The following TNFSF4 variants were observed in gnomAD, a reference collection of about 807,000 sequenced individuals.
The protein encoded by TNFSF4 is tumor necrosis factor ligand superfamily member 4.
In TNFSF4, 4 loss-of-function variants were observed where a neutral mutation model predicts 7.3. The ratio of observed to expected loss-of-function variants is 0.55; its 90% CI spans 0.27 to 1.25. The LOEUF is 1.25. Ranked by LOEUF, TNFSF4 falls within the 50% of genes most tolerant of loss-of-function variation. The probability of loss-of-function intolerance (pLI) is 0.12; values close to 1 mark genes in which losing one functional copy is unlikely to be tolerated. For missense variants in TNFSF4, 181 were observed against 208.8 expected (o/e 0.87, Z 0.82); for synonymous variants, 76 against 83.7 (o/e 0.91, Z 0.50).
chr1:173,432,479 C>T, the TNFSF4 span, among the ~76,000 whole-genome samples: 2 of 152,182 alleles, frequency 1.3e-5, no homozygotes, highest in African/African-American at 2.4e-5. Context: ...TCTCCACAAA[C>T]GCACACAGAT....
the TNFSF4 span, among the ~76,000 whole-genome samples, chr1:173,268,692 G>A: frequency 6.6e-6 from 1 of 151,918 alleles, no homozygotes; most frequent in Admixed American, 6.6e-5. Flanking sequence ...AAAGAGATTG[G>A]CAAAGTAGAT....
At chr1:173,289,563 G>A in the TNFSF4 span, among the ~76,000 whole-genome samples, 1 of 151,990 alleles carries the variant, frequency 6.6e-6, no homozygotes, top group African/African-American at 2.4e-5. Flanking sequence ...TGAGAGAAAT[G>A]TGACCCATAG....
chr1:173,278,280 T>C, the TNFSF4 span, among the ~76,000 whole-genome samples: 2 of 152,076 alleles, frequency 1.3e-5, no homozygotes, highest in Non-Finnish European at 2.9e-5. Context: ...AGAGTAGGTG[T>C]TCAATTATTT....
chr1:173,318,484 A>C, the TNFSF4 span, among the ~76,000 whole-genome samples: 2 of 152,186 alleles, frequency 1.3e-5, no homozygotes, highest in East Asian at 3.8e-4. Flanking sequence ...AGGCATTCTT[A>C]AGGTCAAGGG....
the TNFSF4 span, among the ~76,000 whole-genome samples, chr1:173,224,588 G>C: frequency 6.6e-6 from 1 of 152,156 alleles, no homozygotes; most frequent in Non-Finnish European, 1.5e-5. Flanking sequence ...TAAACTGTCA[G>C]AAACATGCAA....
At chr1:173,399,954 G>A in the TNFSF4 span, among the ~76,000 whole-genome samples, 1 of 152,240 alleles carries the variant, frequency 6.6e-6, no homozygotes, top group Non-Finnish European at 1.5e-5. Flanking sequence ...CCTGGTAGCA[G>A]ACTGATTACA....
the TNFSF4 span, among the ~76,000 whole-genome samples, chr1:173,412,117 G>GA: frequency 0.65 from 78,333 of 120,352 alleles, 25,183 homozygotes; most frequent in Middle Eastern, 0.79. Context: ...TCCATCTCAA[G>GA]AAAAAAAAAA....
At chr1:173,251,593 T>A in the TNFSF4 span, among the ~76,000 whole-genome samples, 1 of 152,344 alleles carries the variant, frequency 6.6e-6, no homozygotes, top group East Asian at 1.9e-4. Flanking sequence ...CAGTCCCAGT[T>A]CTAGCCCTTG....
At chr1:173,230,991 T>C in the TNFSF4 span, among the ~76,000 whole-genome samples, 24 of 152,236 alleles carry the variant, frequency 1.6e-4, no homozygotes, top group African/African-American at 5.8e-4. Flanking sequence ...ACCAGATGGA[T>C]TCACAGCTGA....
chr1:173,439,008 C>T, the TNFSF4 span, among the ~76,000 whole-genome samples: 2 of 152,180 alleles, frequency 1.3e-5, no homozygotes. Flanking sequence ...TGCCCCACCC[C>T]ATCAATACAA....
At chr1:173,200,534 C>T (rs1220253255) in intron 1 of TNFSF4, among the ~76,000 whole-genome samples, 2 of 152,178 alleles carry the variant, frequency 1.3e-5, no homozygotes, top group Non-Finnish European at 2.9e-5. Context: ...ATTGTCATCA[C>T]CCAACACACA....
chr1:173,400,523 G>A, the TNFSF4 span, among the ~76,000 whole-genome samples: 2 of 152,152 alleles, frequency 1.3e-5, no homozygotes, highest in Non-Finnish European at 2.9e-5. Flanking sequence ...TCAACCAGGA[G>A]ACAATGAACA....
upstream of TNFSF4, among the ~76,000 whole-genome samples, chr1:173,212,111 C>T (rs925919128): frequency 6.6e-6 from 1 of 152,064 alleles, no homozygotes; most frequent in African/African-American, 2.4e-5. Context: ...AAGCAAGATA[C>T]AAGAGAGAGG....
the TNFSF4 span, among the ~76,000 whole-genome samples, chr1:173,376,473 G>A: frequency 6.6e-6 from 1 of 152,218 alleles, no homozygotes; most frequent in Non-Finnish European, 1.5e-5. Context: ...TACCATTAGT[G>A]AGAGGTGAAG....
At chr1:173,173,372 A>G in the TNFSF4 span, among the ~76,000 whole-genome samples, 2 of 152,238 alleles carry the variant, frequency 1.3e-5, no homozygotes, top group Non-Finnish European at 2.9e-5. Flanking sequence ...AAATCAAAAG[A>G]AAGTTAGTTA....
At chr1:173,318,728 C>T in the TNFSF4 span, among the ~76,000 whole-genome samples, 1 of 152,068 alleles carries the variant, frequency 6.6e-6, no homozygotes, top group Non-Finnish European at 1.5e-5. Context: ...CTATATGTAT[C>T]AAAAGACTTA....
At chr1:173,234,925 C>T in the TNFSF4 span, among the ~76,000 whole-genome samples, 3 of 151,802 alleles carry the variant, frequency 2.0e-5, no homozygotes, top group African/African-American at 7.3e-5. Context: ...TGCACGTGGA[C>T]CCTAGAACTT....
the TNFSF4 span, among the ~76,000 whole-genome samples, chr1:173,324,956 G>A: frequency 7.9e-5 from 12 of 152,222 alleles, no homozygotes; most frequent in Admixed American, 1.3e-4. Flanking sequence ...ACAGATCAAC[G>A]CAACAGAAAG....
chr1:173,298,622 G>C, the TNFSF4 span, among the ~76,000 whole-genome samples: 1 of 151,830 alleles, frequency 6.6e-6, no homozygotes, highest in Admixed American at 6.6e-5. Context: ...TGCTAACTGA[G>C]GCTGTTTAGC....
Sources: gnomAD v4.1 joint callset for allele counts (sites outside exome capture counted in the v4.1 genomes callset) on GRCh38, gnomAD v4.1.1 for gene constraint, MANE v1.5 for transcripts, NCBI Gene and HGNC (gene_info 2026-07-23, HGNC 2026-07-21) for gene names.